COL15A1: variants seen among roughly 807,000 people sequenced by gnomAD.
COL15A1 encodes the protein collagen alpha-1(XV) chain.
COL15A1 carries 111 observed loss-of-function variants against 165.9 expected under a neutral mutation model. The observed-to-expected ratio is 0.67, with a 90% CI of 0.57 to 0.78. The LOEUF (loss-of-function observed/expected upper bound fraction) is 0.78, where lower values mean the gene tolerates loss of function less well. COL15A1 is among the 30% of genes least tolerant of loss of function. The pLI, the probability that COL15A1 is intolerant of heterozygous loss-of-function variation, is 0.00. For missense variants in COL15A1, 1,745 were observed against 1,789.7 expected (o/e 0.98, Z 0.45); for synonymous variants, 659 against 674.8 (o/e 0.98, Z 0.36).
chr9:99,034,822 G>C (rs1839270010), intron 17 of COL15A1, among the ~76,000 whole-genome samples, 192 bp from the exon 18 acceptor site: 1 of 152,188 alleles, frequency 6.6e-6, no homozygotes, highest in Non-Finnish European at 1.5e-5. Flanking sequence ...GCATTCAAAT[G>C]AGTGCATCAG....
At chr9:99,064,527 C>T (rs563891561) in intron 39 of COL15A1, among the ~76,000 whole-genome samples, 9 of 152,222 alleles carry the variant, frequency 5.9e-5, no homozygotes, top group East Asian at 1.9e-4. Context: ...GCAATTACTA[C>T]GGGGCTGGTT....
chr9:99,066,251 G>A (rs919351017), intron 39 of COL15A1, among the ~76,000 whole-genome samples: 30 of 152,144 alleles, frequency 2.0e-4, no homozygotes, highest in Middle Eastern at 3.2e-3. Context: ...AATAGACTAC[G>A]GATTGGTTTT....
chr9:99,052,303 C>T, intron 30 of COL15A1, 85 bp from the exon 31 acceptor site: 2 of 1,001,410 alleles, frequency 2.0e-6, no homozygotes, highest in East Asian at 2.4e-5. Flanking sequence ...TCTTTTGTCA[C>T]ATGCCCCCGG....
chr9:98,954,332 C>A (rs747086246), intron 2 of COL15A1, among the ~76,000 whole-genome samples: 2 of 152,034 alleles, frequency 1.3e-5, no homozygotes, highest in African/African-American at 2.4e-5. Context: ...CAAAGATAAA[C>A]CCTGCTAGCA....
At chr9:98,978,958 G>C (rs1048990871) in intron 2 of COL15A1, among the ~76,000 whole-genome samples, 10 of 151,852 alleles carry the variant, frequency 6.6e-5, no homozygotes, top group Non-Finnish European at 1.5e-4. Context: ...ATTTGTATTA[G>C]TACATACATT....
At chr9:99,043,110 G>C (rs1443604881) in intron 24 of COL15A1, among the ~76,000 whole-genome samples, 1 of 152,098 alleles carries the variant, frequency 6.6e-6, no homozygotes, top group Non-Finnish European at 1.5e-5. Flanking sequence ...CAAGGAGGGT[G>C]GGTGTGCTCT....
chr9:99,044,402 T>G (rs1305946704), intron 24 of COL15A1, among the ~76,000 whole-genome samples, 166 bp from the exon 25 acceptor site: 1 of 152,112 alleles, frequency 6.6e-6, no homozygotes, highest in Non-Finnish European at 1.5e-5. Flanking sequence ...GAGGTAATTT[T>G]GGAGCAGTGG....
rs546961268 is a variant in COL15A1 at position 99,039,059 on chromosome 9, T to C, written c.2475+326T>C. On this transcript the variant is annotated intron_variant, in intron 22 of 41. Transcript: ENST00000375001. ...TTATTTACATTATCTTATTTCATAG[T>C]ATAGGAAGAGCCTGGAGACACCTTT... 1.1e-4 allele frequency among the ~76,000 whole-genome samples: 16 copies of C among 152,288 alleles called. No individual in the cohort carries two copies. In the South Asian group the frequency reaches 1.7e-3, roughly 16 times the overall value.
chr9:99,034,977 C>G, intron 17 of COL15A1, 37 bp from the exon 18 acceptor site: 1 of 1,589,712 alleles, frequency 6.3e-7, no homozygotes, highest in Non-Finnish European at 8.6e-7. Flanking sequence ...ATGAGTGAAC[C>G]CAGGGCTAGA....
At position 99,034,680 on chromosome 9, in the gene COL15A1, T is replaced by C. The variant is rs534269638; in HGVS notation, c.2079+96T>C. On this transcript the variant is annotated intron_variant, in intron 17 of 41. Transcript: ENST00000375001. ...TAATTGGACTGCTGGGCTGGAATATTGAACATATAAATGTCATGGAACAGA... is the reference window on the plus strand; with the variant it reads ...TAATTGGACTGCTGGGCTGGAATATCGAACATATAAATGTCATGGAACAGA... 12 of 1,445,794 alleles carry C rather than the reference T, an allele frequency of 8.3e-6. No homozygotes were observed. In the East Asian group the frequency reaches 2.9e-4, roughly 35 times the overall value. 89.6% of individuals were successfully genotyped at this position (1,445,794 alleles called of 1,614,324 possible). A position where few individuals can be genotyped will look rare whatever the true frequency, so the allele number is the denominator to read the frequency against.
At chr9:99,002,958 C>A (rs368888938) in intron 7 of COL15A1, among the ~76,000 whole-genome samples, 9 of 152,358 alleles carry the variant, frequency 5.9e-5, no homozygotes, top group African/African-American at 2.2e-4. Flanking sequence ...TCTCCCATTG[C>A]TATGAAACCT....
chr9:99,035,218 C>A, intron 18 of COL15A1, 64 bp downstream of exon 18: 1 of 1,564,408 alleles, frequency 6.4e-7, no homozygotes, highest in South Asian at 1.1e-5. Flanking sequence ...GAAAGACCAG[C>A]TAGCTAAACC....
intron 23 of COL15A1, 24 bp from the exon 24 acceptor site, chr9:99,042,021 A>C: frequency 1.3e-6 from 2 of 1,523,866 alleles, no homozygotes; most frequent in South Asian, 2.3e-5. Flanking sequence ...GAACAACCAA[A>C]TACTATATAA....
At position 98,986,229 on chromosome 9, in the gene COL15A1, C is replaced by A. The variant is rs541439391; in HGVS notation, c.648+117C>A. 1.1e-4 allele frequency: 96 copies of A among 843,744 alleles called. 1 individual carries two copies. Among genetic ancestry groups the A allele is most frequent in the Non-Finnish European group, 1.7e-4 (94 of 551,522 alleles). The allele number at this position is 843,744 out of a possible 1,614,324, so 52.3% of individuals were successfully genotyped here. A position where few individuals can be genotyped will look rare whatever the true frequency, so the allele number is the denominator to read the frequency against. On this transcript the variant is annotated intron_variant, in intron 3 of 41. Coordinates refer to ENST00000375001, the MANE Select transcript of COL15A1 (RefSeq NM_001855.5). ...ATTCTTATGTCCTCAAAGAAGCATGCGTGTTATGATGGGAAATAACACTAG... is the reference window on the plus strand; with the variant it reads ...ATTCTTATGTCCTCAAAGAAGCATGAGTGTTATGATGGGAAATAACACTAG...
intron 16 of COL15A1, among the ~76,000 whole-genome samples, chr9:99,032,987 T>C (rs1414739044): frequency 6.6e-6 from 1 of 152,260 alleles, no homozygotes; most frequent in African/African-American, 2.4e-5. Flanking sequence ...AATGTCCTGA[T>C]TGAATTGTTT....
At chr9:98,991,280 A>G (rs183772608) in intron 5 of COL15A1, among the ~76,000 whole-genome samples, 74 of 152,000 alleles carry the variant, frequency 4.9e-4, no homozygotes, top group Admixed American at 2.7e-3. Context: ...CATCCTGCTG[A>G]TTGGCCCATT....
chr9:99,044,789 C>T lies in COL15A1; in HGVS notation c.2679+19C>T. The T allele has an allele frequency of 6.2e-7, 1 of 1,609,596 alleles. No individual in the cohort carries two copies. The highest frequency in any genetic ancestry group is 1.1e-5 in the South Asian group (1 of 90,902). Reference sequence around the variant, plus strand: ...ACCAATGGTAAGTCAGAGCGTCTCTCAGCTGGATCTGGGCTGGGGTTTGAA... The same window carrying T: ...ACCAATGGTAAGTCAGAGCGTCTCTTAGCTGGATCTGGGCTGGGGTTTGAA... On this transcript the variant is annotated intron_variant, in intron 26 of 41. Transcript: ENST00000375001.
chr9:98,997,696 C>A (rs993415862), intron 6 of COL15A1, among the ~76,000 whole-genome samples: 2 of 152,236 alleles, frequency 1.3e-5, no homozygotes, highest in African/African-American at 2.4e-5. Flanking sequence ...GAGCTGGTCC[C>A]CTGGCTGCCC....
At position 99,057,533 on chromosome 9, in the gene COL15A1, A is replaced by G. The variant is rs909242446; in HGVS notation, c.3337+1129A>G. On this transcript the variant is annotated intron_variant, in intron 35 of 41. Coordinates refer to ENST00000375001, the MANE Select transcript of COL15A1 (RefSeq NM_001855.5). Reference sequence around the variant, plus strand: ...CAGGCATTTTGCTAATCACTTTGCTATGGTATTTTATTGAAACCTCACAAC... The same window carrying G: ...CAGGCATTTTGCTAATCACTTTGCTGTGGTATTTTATTGAAACCTCACAAC... Among the ~76,000 whole-genome samples the G allele has an allele frequency of 4.6e-5, 7 of 152,308 alleles. No homozygotes were observed. In the South Asian group the frequency reaches 1.0e-3, roughly 23 times the overall value.
Sources: allele counts gnomAD v4.1 joint callset (sites outside exome capture counted in the v4.1 genomes callset), GRCh38; gene constraint gnomAD v4.1.1; transcripts MANE v1.5; gene names NCBI Gene and HGNC (gene_info 2026-07-23, HGNC 2026-07-21).